TENM3: variants seen among roughly 807,000 people sequenced by gnomAD.
TENM3 encodes teneurin-3.
A neutral mutation model predicts 255.1 loss-of-function variants in TENM3; 63 were observed. The observed-to-expected ratio is 0.25, with a 90% CI of 0.20 to 0.30. The LOEUF (loss-of-function observed/expected upper bound fraction) is 0.30, where lower values mean the gene tolerates loss of function less well. Among genes scored for constraint, TENM3 ranks in the 10% least tolerant of loss-of-function variants. The probability of loss-of-function intolerance (pLI) is 1.00; values close to 1 mark genes in which losing one functional copy is unlikely to be tolerated. For synonymous variants in TENM3, 1,306 were observed against 1,322.3 expected (o/e 0.99, Z 0.27); for missense variants, 2,929 against 3,461.1 (o/e 0.85, Z 3.86).
chr4:181,908,785 A>G, the TENM3 span, among the ~76,000 whole-genome samples: 1 of 152,208 alleles, frequency 6.6e-6, no homozygotes, highest in African/African-American at 2.4e-5. Context: ...GGTATAGGTG[A>G]TAAATCAGGT....
At chr4:182,392,671 G>A (rs769342227) in intron 3 of TENM3, among the ~76,000 whole-genome samples, 3 of 144,214 alleles carry the variant, frequency 2.1e-5, no homozygotes, top group South Asian at 2.2e-4. Flanking sequence ...ATGCCTCCAC[G>A]TGGGGCGGGG....
chr4:181,797,748 A>C, the TENM3 span, among the ~76,000 whole-genome samples: 1 of 152,224 alleles, frequency 6.6e-6, no homozygotes, highest in South Asian at 2.1e-4. Flanking sequence ...AAACTGGATG[A>C]AAATACGTTC....
At chr4:182,788,274 C>A (rs1356169381) in intron 24 of TENM3, among the ~76,000 whole-genome samples, 1 of 152,208 alleles carries the variant, frequency 6.6e-6, no homozygotes, top group African/African-American at 2.4e-5. Context: ...CCTGCAAACA[C>A]TGGAGACTAT....
the TENM3 span, among the ~76,000 whole-genome samples, chr4:181,874,065 G>A: frequency 1.3e-5 from 2 of 152,028 alleles, no homozygotes; most frequent in Non-Finnish European, 2.9e-5. Context: ...TTACAGGCGT[G>A]AGCCACCGAG....
chr4:181,999,301 G>A, the TENM3 span, among the ~76,000 whole-genome samples: 4 of 152,150 alleles, frequency 2.6e-5, no homozygotes, highest in Non-Finnish European at 5.9e-5. Flanking sequence ...TCCAGAGAGT[G>A]GCAAGTTGTC....
chr4:181,914,669 G>C, the TENM3 span, among the ~76,000 whole-genome samples: 1 of 152,144 alleles, frequency 6.6e-6, no homozygotes, highest in South Asian at 2.1e-4. Flanking sequence ...AGAACAGAAG[G>C]AATAAGTCAA....
At chr4:182,327,846 A>G (rs6819891) in intron 2 of TENM3, among the ~76,000 whole-genome samples, 8,801 of 152,280 alleles carry the variant, frequency 0.058, 330 homozygotes, top group Non-Finnish European at 0.09. Flanking sequence ...ATTTCTTATG[A>G]AACAGCTGCA....
At chr4:182,052,358 A>G in the TENM3 span, among the ~76,000 whole-genome samples, 8 of 152,170 alleles carry the variant, frequency 5.3e-5, no homozygotes, top group African/African-American at 1.7e-4. Context: ...AACGGTAAAC[A>G]TGGAACTCAG....
At chr4:182,093,341 A>C in the TENM3 span, among the ~76,000 whole-genome samples, 1 of 152,098 alleles carries the variant, frequency 6.6e-6, no homozygotes, top group African/African-American at 2.4e-5. Context: ...GGAGCAGTAC[A>C]GTTTTTCAGT....
At chr4:182,600,842 C>T in intron 3 of TENM3, 82 bp from the exon 4 acceptor site, 1 of 659,468 alleles carries the variant, frequency 1.5e-6, no homozygotes. Flanking sequence ...GCAGTGGATC[C>T]CCAAGAAATT....
At chr4:181,950,209 G>A in the TENM3 span, among the ~76,000 whole-genome samples, 1 of 151,822 alleles carries the variant, frequency 6.6e-6, no homozygotes, top group African/African-American at 2.4e-5. Context: ...CCCCCACTGA[G>A]CACCTTACGA....
intron 3 of TENM3, among the ~76,000 whole-genome samples, chr4:182,524,851 A>G (rs943641568): frequency 3.6e-4 from 55 of 151,832 alleles, no homozygotes; most frequent in African/African-American, 9.2e-4. Context: ...AAAAAAAAAA[A>G]AAAAGAAAAG....
the TENM3 span, among the ~76,000 whole-genome samples, chr4:181,512,396 T>G: frequency 2.0e-5 from 3 of 152,170 alleles, no homozygotes; most frequent in Non-Finnish European, 4.4e-5. Context: ...GCCCCCTCTT[T>G]TTTTCTTAGT....
At chr4:182,356,978 T>G (rs576657902) in intron 3 of TENM3, among the ~76,000 whole-genome samples, 56 of 151,880 alleles carry the variant, frequency 3.7e-4, no homozygotes, top group African/African-American at 1.3e-3. Flanking sequence ...TTTGGTTTTT[T>G]GTTCTTGCAA....
chr4:181,589,860 G>T, the TENM3 span, among the ~76,000 whole-genome samples: 1 of 152,180 alleles, frequency 6.6e-6, no homozygotes, highest in Non-Finnish European at 1.5e-5. Flanking sequence ...ATGACAGAAG[G>T]GTTACTTTCC....
the TENM3 span, among the ~76,000 whole-genome samples, chr4:181,554,256 A>G: frequency 3.3e-5 from 5 of 152,212 alleles, no homozygotes; most frequent in Non-Finnish European, 7.3e-5. Context: ...CTAAGGACCC[A>G]CTGAAAAGCT....
chr4:182,754,610 G>A lies in TENM3; in HGVS notation c.4243G>A (p.Val1415Ile), dbSNP rs767438505. The change falls in exon 22 of 28, where the codon GTC becomes ATC. Residue 1415 changes from valine to isoleucine, a missense_variant. By Grantham distance (29) the Val-to-Ile change is conservative (BLOSUM62 3). Transcript: ENST00000511685. The surrounding 1 kb of genome is among the most constrained non-coding windows in gnomAD (Gnocchi z 5.1). Reference protein sequence around the residue: ...ATAIAVSYSGVLYITETDEKK... With the variant: ...ATAIAVSYSGILYITETDEKK... ...TGCCATTGCTGTGTCCTACAGTGGG[G>A]TCCTGTACATTACTGAAACTGATGA... 1.9e-6 allele frequency: 3 copies of A among 1,613,990 alleles called. No homozygotes were observed. In the South Asian group the frequency reaches 3.3e-5, roughly 18 times the overall value.
chr4:182,474,932 G>A (rs1400337357), intron 3 of TENM3, among the ~76,000 whole-genome samples: 1 of 152,110 alleles, frequency 6.6e-6, no homozygotes, highest in African/African-American at 2.4e-5. Flanking sequence ...CATAATGGTT[G>A]CAAGTCACAT....
the TENM3 span, among the ~76,000 whole-genome samples, chr4:182,106,276 C>A: frequency 6.6e-6 from 1 of 152,082 alleles, no homozygotes; most frequent in Non-Finnish European, 1.5e-5. Flanking sequence ...GCCTGGGCAA[C>A]ATGGCAAAAC....
Sources: gnomAD v4.1 joint callset for allele counts (sites outside exome capture counted in the v4.1 genomes callset) on GRCh38, gnomAD v4.1.1 for gene constraint, Gnocchi (gnomAD v3.1) non-coding constraint, MANE v1.5 for transcripts, NCBI Gene and HGNC (gene_info 2026-07-23, HGNC 2026-07-21) for gene names.